The following THNSL1 variants were observed in gnomAD, a reference collection of about 807,000 sequenced individuals.
THNSL1 encodes the protein threonine synthase-like 1.
THNSL1 carries 48 observed loss-of-function variants against 50.4 expected under a neutral mutation model. That is an observed-to-expected ratio of 0.95 (90% CI 0.76 to 1.21). The LOEUF (loss-of-function observed/expected upper bound fraction) is 1.21. THNSL1 is among the 50% of genes most tolerant of loss of function. The pLI, the probability that THNSL1 is intolerant of heterozygous loss-of-function variation, is 0.00. For missense variants in THNSL1, 896 were observed against 871.7 expected (o/e 1.03, Z -0.35); for synonymous variants, 309 against 306.1 (o/e 1.01, Z -0.10).
the THNSL1 span, among the ~76,000 whole-genome samples, chr10:24,959,245 T>C: frequency 6.6e-6 from 1 of 152,168 alleles, no homozygotes; most frequent in African/African-American, 2.4e-5. Flanking sequence ...TCAGCTAGAA[T>C]GGGAATGGAG....
chr10:24,996,456 G>GTA, the THNSL1 span, among the ~76,000 whole-genome samples: 586 of 149,774 alleles, frequency 3.9e-3, 2 homozygotes, highest in African/African-American at 0.013. Flanking sequence ...GTGTGTGTGT[G>GTA]TATATATATA....
the THNSL1 span, among the ~76,000 whole-genome samples, chr10:24,974,055 T>A: frequency 1.3e-5 from 2 of 152,026 alleles, no homozygotes; most frequent in African/African-American, 4.8e-5. Context: ...ACCATGACAT[T>A]TTAGGTTTAA....
At chr10:24,978,091 A>C in the THNSL1 span, among the ~76,000 whole-genome samples, 1 of 152,206 alleles carries the variant, frequency 6.6e-6, no homozygotes, top group Non-Finnish European at 1.5e-5. Context: ...CAGTTTTAAA[A>C]ATTAGTATGT....
the THNSL1 span, among the ~76,000 whole-genome samples, chr10:24,996,557 T>C: frequency 6.6e-6 from 1 of 152,208 alleles, no homozygotes; most frequent in Non-Finnish European, 1.5e-5. Context: ...TTCCCATTGA[T>C]CTATTTTAAT....
the THNSL1 span, among the ~76,000 whole-genome samples, chr10:24,986,895 C>A: frequency 3.9e-5 from 6 of 152,082 alleles, no homozygotes; most frequent in South Asian, 4.1e-4. Flanking sequence ...CTTAATTTTC[C>A]TCTCTTCTAT....
chr10:24,957,376 G>A, the THNSL1 span, among the ~76,000 whole-genome samples: 1 of 152,064 alleles, frequency 6.6e-6, no homozygotes, highest in Non-Finnish European at 1.5e-5. Flanking sequence ...TCCTTGCCTG[G>A]ACCAATGTCA....
the THNSL1 span, among the ~76,000 whole-genome samples, chr10:24,997,397 C>CT: frequency 4.6e-5 from 5 of 109,290 alleles, no homozygotes; most frequent in African/African-American, 1.4e-4. Flanking sequence ...TTTTTTTCCT[C>CT]TTTTTTTGAG....
the THNSL1 span, among the ~76,000 whole-genome samples, chr10:24,975,117 T>C: frequency 6.6e-6 from 1 of 152,102 alleles, no homozygotes; most frequent in African/African-American, 2.4e-5. Context: ...GCCTAAAGCC[T>C]AAGCCTGCTG....
the THNSL1 span, among the ~76,000 whole-genome samples, chr10:25,000,169 A>G: frequency 6.6e-6 from 1 of 152,060 alleles, no homozygotes; most frequent in African/African-American, 2.4e-5. Flanking sequence ...ATATATTTCT[A>G]TTGTGGTTAG....
the THNSL1 span, among the ~76,000 whole-genome samples, chr10:24,994,891 G>A: frequency 6.6e-6 from 1 of 151,932 alleles, no homozygotes; most frequent in Non-Finnish European, 1.5e-5. Flanking sequence ...GCCTGGTGAT[G>A]CATGCCTGTA....
At chr10:24,987,770 T>G in the THNSL1 span, among the ~76,000 whole-genome samples, 1 of 152,150 alleles carries the variant, frequency 6.6e-6, no homozygotes, top group African/African-American at 2.4e-5. Flanking sequence ...TCCCTATTGA[T>G]GTACTTGATA....
the THNSL1 span, among the ~76,000 whole-genome samples, chr10:25,005,031 C>T: frequency 2.0e-5 from 3 of 152,044 alleles, no homozygotes; most frequent in African/African-American, 2.4e-5. Flanking sequence ...CTTCCCATTG[C>T]TTGTGTTTGT....
chr10:25,018,793 G>A (rs1850662620), intron 1 of THNSL1, among the ~76,000 whole-genome samples: 1 of 150,542 alleles, frequency 6.6e-6, no homozygotes, highest in Non-Finnish European at 1.5e-5. Flanking sequence ...AATTCTCAAA[G>A]TTATAGAATT....
the THNSL1 span, chr10:24,995,943 A>G: frequency 3.3e-6 from 4 of 1,203,348 alleles, no homozygotes; most frequent in African/African-American, 6.2e-5. Context: ...TAATATCCAG[A>G]TATTTCACCA....
chr10:25,007,822 A>G, the THNSL1 span, among the ~76,000 whole-genome samples: 1 of 152,108 alleles, frequency 6.6e-6, no homozygotes, highest in Non-Finnish European at 1.5e-5. Context: ...CCTTGCTGAA[A>G]AAAATCCTGT....
In THNSL1 at chr10:25,023,496, T is replaced by C. The variant is rs1850767414; in HGVS notation, c.273T>C (p.Leu91=). 1.9e-6 allele frequency: 3 copies of C among 1,614,012 alleles called. No individual in the cohort carries two copies. The Admixed American group carries it at 5.0e-5, about 27-fold the overall frequency. ...TCATAGATGTGGATGATGATATCCT[T>C]GAAAAAACCTGGAATATGAGTGTGT... ...CCVIDVDDDI[L]EKTWNMSVSE... is the part of the protein sequence containing the mutation. Residue 91 remains leucine (L), a synonymous_variant, in exon 3 of 3, where the codon CTT becomes CTC. Transcript: ENST00000376356.
the THNSL1 span, chr10:24,984,350 T>TG: frequency 1.6e-5 from 25 of 1,578,576 alleles, 1 homozygote; most frequent in South Asian, 2.8e-4. Context: ...TTAACAGTTT[T>TG]CAAAGTTGTG....
chr10:24,956,727 T>A, the THNSL1 span, among the ~76,000 whole-genome samples: 2 of 152,176 alleles, frequency 1.3e-5, no homozygotes, highest in South Asian at 4.1e-4. Context: ...AATATATCAT[T>A]CTGCTGTGCC....
the THNSL1 span, chr10:24,983,131 C>G: frequency 1.3e-5 from 2 of 152,218 alleles, no homozygotes; most frequent in Non-Finnish European, 2.9e-5. Context: ...TGAGTGACTG[C>G]ATGGAACAGA....
Sources: allele counts gnomAD v4.1 joint callset (sites outside exome capture counted in the v4.1 genomes callset), GRCh38; gene constraint gnomAD v4.1.1; transcripts MANE v1.5; gene names NCBI Gene and HGNC (gene_info 2026-07-23, HGNC 2026-07-21).